Variants in ATXN7L1 observed in about 807,000 individuals in gnomAD.
The protein encoded by ATXN7L1 is ataxin-7-like protein 1.
ATXN7L1 carries 15 observed loss-of-function variants against 70.8 expected under a neutral mutation model. The observed-to-expected ratio is 0.21, with a 90% CI of 0.14 to 0.33. The LOEUF (loss-of-function observed/expected upper bound fraction) is 0.33, where lower values mean the gene tolerates loss of function less well. Ranked by LOEUF, ATXN7L1 falls within the 10% of genes least tolerant of loss-of-function variation. The pLI is 1.00. For synonymous variants in ATXN7L1, 440 were observed against 445.1 expected (o/e 0.99, Z 0.14); for missense variants, 975 against 1,097.1 (o/e 0.89, Z 1.57).
At chr7:105,871,132 A>G (rs376218448) in intron 2 of ATXN7L1, among the ~76,000 whole-genome samples, 2 of 138,140 alleles carry the variant, frequency 1.4e-5, no homozygotes, top group Non-Finnish European at 3.0e-5. Flanking sequence ...TTTGCCTGCT[A>G]TAACTGCATC....
chr7:105,862,538 C>T (rs181119240), intron 2 of ATXN7L1, among the ~76,000 whole-genome samples: 2 of 152,154 alleles, frequency 1.3e-5, no homozygotes, highest in South Asian at 2.1e-4. Context: ...GTGCTTGAAC[C>T]CACAAGCTCC....
At chr7:105,817,384 G>A (rs1809348316) in intron 2 of ATXN7L1, among the ~76,000 whole-genome samples, 1 of 152,136 alleles carries the variant, frequency 6.6e-6, no homozygotes, top group African/African-American at 2.4e-5. Context: ...TAAAGTAAAT[G>A]CTTGCATGTT....
At chr7:105,632,908 G>A (rs1205513438) in intron 7 of ATXN7L1, among the ~76,000 whole-genome samples, 1 of 102,494 alleles carries the variant, frequency 9.8e-6, no homozygotes, top group Non-Finnish European at 1.8e-5. Context: ...GTTACAGAAT[G>A]TAATCTTGTC....
At chr7:105,758,292 C>T (rs924459938) in intron 3 of ATXN7L1, among the ~76,000 whole-genome samples, 1 of 152,208 alleles carries the variant, frequency 6.6e-6, no homozygotes, top group African/African-American at 2.4e-5. Flanking sequence ...TGGGCTCAAT[C>T]TAAGTATGTT....
At chr7:105,644,585 G>A (rs1798719387) in intron 4 of ATXN7L1, among the ~76,000 whole-genome samples, 1 of 152,148 alleles carries the variant, frequency 6.6e-6, no homozygotes, top group South Asian at 2.1e-4. Flanking sequence ...TCTATTTAAT[G>A]GCAATTCTCA....
intron 3 of ATXN7L1, among the ~76,000 whole-genome samples, chr7:105,730,087 G>T (rs1053097661): frequency 1.3e-5 from 2 of 152,112 alleles, no homozygotes; most frequent in East Asian, 3.9e-4. Context: ...CTTCCAGAGA[G>T]TACAGCATGG....
intron 11 of ATXN7L1, among the ~76,000 whole-genome samples, chr7:105,608,173 G>C (rs1166659056): frequency 6.6e-6 from 1 of 152,144 alleles, no homozygotes; most frequent in Non-Finnish European, 1.5e-5. Context: ...GTCCTCTTTG[G>C]GAGAGTGGAC....
chr7:105,774,643 C>T (rs955807334), intron 3 of ATXN7L1, among the ~76,000 whole-genome samples: 13 of 152,072 alleles, frequency 8.5e-5, no homozygotes, highest in African/African-American at 3.1e-4. Context: ...TGAACCACCG[C>T]GCCCGGCCCC....
intron 2 of ATXN7L1, among the ~76,000 whole-genome samples, chr7:105,837,221 C>A (rs1812518952): frequency 6.6e-6 from 1 of 152,130 alleles, no homozygotes; most frequent in South Asian, 2.1e-4. Flanking sequence ...CCAGGCCCCA[C>A]CTCCAACACT....
chr7:105,797,479 G>A (rs535722742), intron 2 of ATXN7L1, among the ~76,000 whole-genome samples: 2 of 152,334 alleles, frequency 1.3e-5, no homozygotes, highest in East Asian at 3.9e-4. Context: ...GCTTCCTTAG[G>A]CCTCAGGTCT....
At chr7:105,852,813 C>T (rs1005611970) in intron 2 of ATXN7L1, among the ~76,000 whole-genome samples, 7 of 151,822 alleles carry the variant, frequency 4.6e-5, no homozygotes, top group Non-Finnish European at 8.8e-5. Flanking sequence ...TCACAATGCC[C>T]AAATGATTGG....
At chr7:105,782,253 G>A (rs568237303) in intron 3 of ATXN7L1, among the ~76,000 whole-genome samples, 1 of 152,332 alleles carries the variant, frequency 6.6e-6, no homozygotes, top group South Asian at 2.1e-4. Flanking sequence ...AGAGATGCCT[G>A]CAGAGTGGAA....
At chr7:105,645,547 A>C (rs1252352302) in intron 4 of ATXN7L1, among the ~76,000 whole-genome samples, 1 of 151,678 alleles carries the variant, frequency 6.6e-6, no homozygotes, top group Non-Finnish European at 1.5e-5. Flanking sequence ...CTGTAATCCC[A>C]GCACTTTGGG....
Position 105,722,421 on chromosome 7 carries a change from G to A in ATXN7L1, c.356-57133C>T, listed in dbSNP as rs554132212. 3.3e-5 allele frequency among the ~76,000 whole-genome samples: 5 copies of A among 151,936 alleles called. No homozygotes were observed. In the South Asian group the frequency reaches 1.0e-3, roughly 32 times the overall value. ...TACTAAAAATACAAAAATTAGTTGG[G>A]CATGGTAGTACAGGCCTATAGTTCC... On this transcript the variant is annotated intron_variant, in intron 3 of 11. Transcript: ENST00000419735.
At chr7:105,644,594 C>T (rs1485895335) in intron 4 of ATXN7L1, among the ~76,000 whole-genome samples, 2 of 152,202 alleles carry the variant, frequency 1.3e-5, no homozygotes, top group Non-Finnish European at 2.9e-5. Context: ...TGGCAATTCT[C>T]AAAGCACTCC....
At chr7:105,691,591 G>A (rs1311234499) in intron 3 of ATXN7L1, 1 of 148,820 alleles carries the variant, frequency 6.7e-6, no homozygotes, top group Non-Finnish European at 1.5e-5. Flanking sequence ...TTAATCTGAT[G>A]CTACGACGAC....
At chr7:105,827,681 G>A (rs1175864154) in intron 2 of ATXN7L1, among the ~76,000 whole-genome samples, 10 of 152,174 alleles carry the variant, frequency 6.6e-5, no homozygotes, top group South Asian at 2.1e-4. Context: ...GCAATTCTCC[G>A]TGTACACTAA....
rs1248246239 is a variant in ATXN7L1 at position 105,680,700 on chromosome 7, AC to A, written c.356-15413del. Among the ~76,000 whole-genome samples the A allele has an allele frequency of 3.9e-5, 6 of 152,080 alleles. No homozygotes were observed. In the South Asian group the frequency reaches 1.0e-3, roughly 26 times the overall value. Reference sequence around the variant, plus strand: ...AAGGGCCCCTGGGCACATTCCCTTCACCCAGGGGACTGTGGAGTAGAGGCCT... The same window carrying A: ...AAGGGCCCCTGGGCACATTCCCTTCACCAGGGGACTGTGGAGTAGAGGCCT... On this transcript the variant is annotated intron_variant, in intron 3 of 11. Coordinates refer to ENST00000419735, the MANE Select transcript of ATXN7L1 (RefSeq NM_020725.2).
chr7:105,715,791 TG>T lies in ATXN7L1; in HGVS notation c.356-50504del, dbSNP rs1316155674. ...AACCCCAGAGGTGGAGAAATGACAG[TG>T]GTGGTGAAAAACTGGCTGCAAGCAC... On this transcript the variant is annotated intron_variant, in intron 3 of 11. Transcript: ENST00000419735. 1.5e-4 allele frequency among the ~76,000 whole-genome samples: 23 copies of T among 152,286 alleles called. 1 individual carries two copies. The highest frequency in any genetic ancestry group is 2.1e-4 in the South Asian group (1 of 4,816).
Sources: gnomAD v4.1 joint callset for allele counts (sites outside exome capture counted in the v4.1 genomes callset) on GRCh38, gnomAD v4.1.1 for gene constraint, MANE v1.5 for transcripts, NCBI Gene and HGNC (gene_info 2026-07-23, HGNC 2026-07-21) for gene names.